Variants in DET1 observed in about 807,000 individuals in gnomAD.
DET1 encodes the protein DET1 homolog.
Under a neutral mutation model 43.7 loss-of-function variants are expected in DET1, and 22 were observed. The ratio of observed to expected loss-of-function variants is 0.50; its 90% CI spans 0.36 to 0.72. The LOEUF (loss-of-function observed/expected upper bound fraction) is 0.72. Ranked by LOEUF, DET1 falls within the 30% of genes least tolerant of loss-of-function variation. DET1 has a pLI of 0.00. For synonymous variants in DET1, 315 were observed against 266.2 expected (o/e 1.18, Z -1.79); for missense variants, 713 against 713.3 (o/e 1.00, Z 0.00).
chr15:88,504,485 A>C lies in DET1; in HGVS notation c.*2066-498T>G, dbSNP rs1374071592. The C allele has an allele frequency of 1.3e-5, 2 of 152,116 alleles. No homozygotes were observed. Among genetic ancestry groups the C allele is most frequent in the Non-Finnish European group, 2.9e-5 (2 of 68,020 alleles). 9.4% of individuals were successfully genotyped at this position (152,116 alleles called of 1,614,324 possible). On this transcript the variant is annotated intron_variant and NMD_transcript_variant, in intron 7 of 8. Coordinates refer to the DET1 transcript ENST00000557842. This position sits in a 1 kb window ranked among gnomAD's most constrained non-coding sequence, Gnocchi z 4.7. The stretch of plus-strand genomic sequence containing the variant: ...ATGACAATGCTTATTGCTTGGAATC[A>C]TTTTTATATTATATTAACCATGCCT...
At position 88,512,814 on chromosome 15, in the gene DET1, T is replaced by C; in HGVS notation, c.*137A>G. 1 of 1,441,128 alleles carries C rather than the reference T, an allele frequency of 6.9e-7. No individual in the cohort carries two copies. Among genetic ancestry groups the C allele is most frequent in the South Asian group, 1.5e-5 (1 of 64,564 alleles). The allele number at this position is 1,441,128 out of a possible 1,614,324, so 89.3% of individuals were successfully genotyped here. A position where few individuals can be genotyped will look rare whatever the true frequency, so the allele number is the denominator to read the frequency against. ...AGGTTGAGCCACCCTCACTCCTCTC[T>C]CTGGCTCTCTCCCATCTGAGGTATA... On this transcript the variant is annotated 3_prime_UTR_variant, in exon 5 of 5. Transcript: ENST00000268148.
At chr15:88,530,521 G>T (rs1008571483) in intron 2 of DET1, 102 bp downstream of exon 2, 2 of 1,496,468 alleles carry the variant, frequency 1.3e-6, no homozygotes, top group Non-Finnish European at 1.8e-6. Context: ...TTCAGACTAC[G>T]TGAAATGTCT....
Position 88,531,270 on chromosome 15 carries a change from G to C in DET1, c.436C>G (p.Leu146Val). Reference protein sequence around the residue: ...NGEHLNRECSLFTDDCRCVIV... With the variant: ...NGEHLNRECSVFTDDCRCVIV... ...ACACAGCGGCAGTCATCAGTGAAGA[G>C]ACTACACTCCCGGTTCAGGTGCTCA... Residue 146 changes from leucine (L) to valine (V), a missense_variant, in exon 2 of 5, where the codon CTC (leucine) becomes GTC (valine). By Grantham distance (32) the Leu-to-Val change is conservative. Transcript: ENST00000268148. The surrounding 1 kb of genome is among the most constrained non-coding windows in gnomAD (Gnocchi z 6.2). 6.2e-7 allele frequency: 1 copy of C among 1,613,870 alleles called. No homozygotes were observed. Among genetic ancestry groups the C allele is most frequent in the Non-Finnish European group, 8.5e-7 (1 of 1,179,840 alleles).
intron 1 of DET1, among the ~76,000 whole-genome samples, chr15:88,532,511 T>C (rs1290811266): frequency 1.3e-5 from 2 of 152,154 alleles, no homozygotes; most frequent in Non-Finnish European, 1.5e-5. Flanking sequence ...CAAAATAATT[T>C]TGAAAAAGAA....
chr15:88,538,575 C>T (rs986915397), intron 1 of DET1, among the ~76,000 whole-genome samples: 4 of 152,120 alleles, frequency 2.6e-5, no homozygotes, highest in Non-Finnish European at 5.9e-5. Flanking sequence ...CTCTCGGTCA[C>T]CGGCTAGTAA....
chr15:88,533,194 C>G (rs531528969), intron 1 of DET1, among the ~76,000 whole-genome samples: 1 of 152,310 alleles, frequency 6.6e-6, no homozygotes, highest in East Asian at 1.9e-4. Flanking sequence ...TGCTCAACAT[C>G]ACTAATCATC....
intron 1 of DET1, among the ~76,000 whole-genome samples, chr15:88,544,133 T>C (rs916681570): frequency 6.6e-6 from 1 of 152,198 alleles, no homozygotes; most frequent in Non-Finnish European, 1.5e-5. Flanking sequence ...AGGGTGATAA[T>C]ACACCTGCCT....
intron 1 of DET1, among the ~76,000 whole-genome samples, chr15:88,533,852 T>TAAA (rs368408722): frequency 0.074 from 2,905 of 39,030 alleles, 220 homozygotes; most frequent in South Asian, 0.1. Context: ...ACCCAATCTC[T>TAAA]AAAAAAAAAA....
At chr15:88,509,193 G>A (rs913355719), downstream of DET1, among the ~76,000 whole-genome samples, 4 of 152,246 alleles carry the variant, frequency 2.6e-5, no homozygotes, top group East Asian at 1.9e-4. Context: ...AAAGGGTGTC[G>A]CTCTGTTGCC....
In DET1 at chr15:88,512,517, A is replaced by G; in HGVS notation, c.*434T>C. On this transcript the variant is annotated 3_prime_UTR_variant, in exon 5 of 5. Coordinates refer to ENST00000268148, the MANE Select transcript of DET1 (RefSeq NM_001144074.3). ...AATACCATGGCTTTATTTTTCTCTT[A>G]AAAAGATAGCCGTGCTTATGAGCTA... 1 of 988,054 alleles carries G rather than the reference A, an allele frequency of 1.0e-6. No homozygotes were observed. The highest frequency in any genetic ancestry group is 1.2e-6 in the Non-Finnish European group (1 of 831,484). 61.2% of individuals were successfully genotyped at this position (988,054 alleles called of 1,614,324 possible).
At chr15:88,527,877 G>C in intron 2 of DET1, 91 bp from the exon 3 acceptor site, 1 of 1,035,766 alleles carries the variant, frequency 9.7e-7, no homozygotes, top group Non-Finnish European at 1.3e-6. Flanking sequence ...GAAAATTCAA[G>C]GCATGAATTT....
Position 88,531,051 on chromosome 15 carries a change from T to C in DET1, c.655A>G (p.Asn219Asp). Residue 219 changes from asparagine (N) to aspartate (D), a missense_variant, in exon 2 of 5, where the codon AAC becomes GAC. By Grantham distance (23) the Asn-to-Asp change is conservative. Transcript: ENST00000268148. The surrounding 1 kb of genome is among the most constrained non-coding windows in gnomAD (Gnocchi z 6.2). Reference sequence around the variant, plus strand: ...TTTTTGTACAAGTACAGCCCTTGGTTGTGTGACAAGACCACCTTGTCACAC... The same window carrying C: ...TTTTTGTACAAGTACAGCCCTTGGTCGTGTGACAAGACCACCTTGTCACAC... ...FKCDKVVLSH[N>D]QGLYLYKNIL... The C allele has an allele frequency of 6.2e-7, 1 of 1,613,830 alleles. No individual in the cohort carries two copies. The highest frequency in any genetic ancestry group is 8.5e-7 in the Non-Finnish European group (1 of 1,179,802).
At chr15:88,522,594 C>T (rs1041750647) in intron 3 of DET1, among the ~76,000 whole-genome samples, 2 of 142,018 alleles carry the variant, frequency 1.4e-5, no homozygotes, top group East Asian at 2.2e-4. Context: ...CTGCAAGCTC[C>T]GCCTCCTGGG....
rs566872564 is a variant in DET1, at chr15:88,535,729, C to T, written c.-10-4014G>A. 1.7e-4 allele frequency among the ~76,000 whole-genome samples: 25 copies of T among 151,342 alleles called. No homozygotes were observed. The East Asian group carries it at 4.5e-3, about 27-fold the overall frequency. On this transcript the variant is annotated intron_variant, in intron 1 of 4. Coordinates refer to ENST00000268148, the MANE Select transcript of DET1 (RefSeq NM_001144074.3). ...TGAGATCATGCCACTGCACTCCAGC[C>T]TGGGCAATGCAGTGAGACTCTGTCA...
chr15:88,523,739 TG>T, intron 3 of DET1, among the ~76,000 whole-genome samples: 1 of 152,358 alleles, frequency 6.6e-6, no homozygotes, highest in Middle Eastern at 3.4e-3. Flanking sequence ...GCTCACTCAG[TG>T]CTCAATCTTG....
downstream of DET1, among the ~76,000 whole-genome samples, chr15:88,507,984 A>T (rs1274664049): frequency 6.6e-6 from 1 of 152,180 alleles, no homozygotes; most frequent in African/African-American, 2.4e-5. Context: ...CCGTCAGATT[A>T]GCGGCGGCAT....
intron 3 of DET1, among the ~76,000 whole-genome samples, chr15:88,524,320 C>T (rs2056597379): frequency 6.6e-6 from 1 of 151,934 alleles, no homozygotes; most frequent in African/African-American, 2.4e-5. Context: ...CTCCGCCCAG[C>T]AGCTGCCCAG....
intron 4 of DET1, among the ~76,000 whole-genome samples, chr15:88,514,907 A>T (rs933333216): frequency 1.6e-4 from 24 of 152,154 alleles, no homozygotes; most frequent in African/African-American, 5.8e-4. Context: ...CATCTTCTCC[A>T]ATTAGAAAGG....
intron 1 of DET1, among the ~76,000 whole-genome samples, chr15:88,545,717 G>T (rs895285623): frequency 6.6e-6 from 1 of 150,500 alleles, no homozygotes; most frequent in South Asian, 2.1e-4. Flanking sequence ...AACACAAGTG[G>T]GGAATGTAAT....
Sources: gnomAD v4.1 joint callset for allele counts (sites outside exome capture counted in the v4.1 genomes callset) on GRCh38, gnomAD v4.1.1 for gene constraint, Gnocchi (gnomAD v3.1) non-coding constraint, MANE v1.5 for transcripts, NCBI Gene and HGNC (gene_info 2026-07-23, HGNC 2026-07-21) for gene names.